Variants in GALNT18 observed in about 807,000 individuals in gnomAD.
GALNT18 encodes polypeptide N-acetylgalactosaminyltransferase 18.
A neutral mutation model predicts 69.5 loss-of-function variants in GALNT18; 44 were observed. The observed-to-expected ratio is 0.63, with a 90% CI of 0.50 to 0.81. GALNT18 has a LOEUF of 0.81. GALNT18 is among the 40% of genes least tolerant of loss of function. GALNT18 has a pLI of 0.00. For missense variants in GALNT18, 715 were observed against 810.0 expected (o/e 0.88, Z 1.42); for synonymous variants, 364 against 318.2 (o/e 1.14, Z -1.53).
At chr11:11,531,601 T>C (rs528936385) in intron 1 of GALNT18, among the ~76,000 whole-genome samples, 1 of 152,218 alleles carries the variant, frequency 6.6e-6, no homozygotes, top group East Asian at 1.9e-4. Flanking sequence ...GTGGTCAGGG[T>C]ATTTCTTCCC....
intron 1 of GALNT18, among the ~76,000 whole-genome samples, chr11:11,471,999 C>T (rs981521442): frequency 6.6e-6 from 1 of 152,190 alleles, no homozygotes; most frequent in African/African-American, 2.4e-5. Flanking sequence ...CAAGACCAGG[C>T]TCAGCAGAAA....
At chr11:11,458,904 T>TA (rs1347816931) in intron 1 of GALNT18, among the ~76,000 whole-genome samples, 1 of 152,196 alleles carries the variant, frequency 6.6e-6, no homozygotes, top group Non-Finnish European at 1.5e-5. Flanking sequence ...AGCCTTGGCC[T>TA]AACCTCATCT....
At position 11,415,381 on chromosome 11, in the gene GALNT18, T is replaced by C. The variant is rs1854832421; in HGVS notation, c.595+17240A>G. 6.6e-6 allele frequency among the ~76,000 whole-genome samples: 1 copy of C among 152,150 alleles called. No homozygotes were observed. Among genetic ancestry groups the C allele is most frequent in the African/African-American group, 2.4e-5 (1 of 41,422 alleles). On this transcript the variant is annotated intron_variant, in intron 3 of 10. Transcript: ENST00000227756. This position sits in a 1 kb window ranked among gnomAD's most constrained non-coding sequence, Gnocchi z 4.1. The stretch of plus-strand genomic sequence containing the variant: ...AGAATTCTGCCCACACAGTGATCAA[T>C]AAATAGTTGCCGAATGAGAAAATAA...
chr11:11,380,315 T>G (rs1285623251), intron 3 of GALNT18, among the ~76,000 whole-genome samples: 1 of 152,248 alleles, frequency 6.6e-6, no homozygotes, highest in Non-Finnish European at 1.5e-5. Context: ...TCTTAAGTCC[T>G]TGCTAAGGAC....
chr11:11,467,112 G>A (rs918392643), intron 1 of GALNT18, among the ~76,000 whole-genome samples: 7 of 152,210 alleles, frequency 4.6e-5, no homozygotes, highest in African/African-American at 1.7e-4. Context: ...GGAGGCAGGA[G>A]GCCCTTAATG....
rs182247361 is a variant in GALNT18, at chr11:11,359,142, A to G, written c.1092+13373T>C. ...GTGTGGGCAAAGACGAGGTTGCTTTACCCAAAACTGTGGTGTCCAATGTTT... is the reference window on the plus strand; with the variant it reads ...GTGTGGGCAAAGACGAGGTTGCTTTGCCCAAAACTGTGGTGTCCAATGTTT... On this transcript the variant is annotated intron_variant, in intron 6 of 10. Coordinates refer to ENST00000227756, the MANE Select transcript of GALNT18 (RefSeq NM_198516.3). 2.4e-4 allele frequency among the ~76,000 whole-genome samples: 34 copies of G among 140,130 alleles called. 7 individuals carry two copies. Among genetic ancestry groups the G allele is most frequent in the African/African-American group, 8.2e-4 (31 of 37,856 alleles). 91.9% of individuals were successfully genotyped at this position (140,130 alleles called of 152,430 possible).
At chr11:11,407,032 G>T (rs1160160655) in intron 3 of GALNT18, among the ~76,000 whole-genome samples, 1 of 152,206 alleles carries the variant, frequency 6.6e-6, no homozygotes, top group East Asian at 1.9e-4. Flanking sequence ...AGCCTAAGTG[G>T]AGAAAGAACC....
At chr11:11,456,838 C>G (rs886311741) in intron 1 of GALNT18, among the ~76,000 whole-genome samples, 8 of 152,142 alleles carry the variant, frequency 5.3e-5, no homozygotes, top group African/African-American at 1.9e-4. Flanking sequence ...CTGGGAAATG[C>G]CATAATGTGG....
At chr11:11,324,884 G>C (rs1849892171) in intron 9 of GALNT18, among the ~76,000 whole-genome samples, 1 of 151,994 alleles carries the variant, frequency 6.6e-6, no homozygotes, top group African/African-American at 2.4e-5. Context: ...TTTGCTGTGT[G>C]GAACACTTTT....
At chr11:11,475,033 G>A (rs1856358094) in intron 1 of GALNT18, 1 of 152,160 alleles carries the variant, frequency 6.6e-6, no homozygotes, top group Non-Finnish European at 1.5e-5. Context: ...CTAGCACAGG[G>A]TAGGCATCTT....
intron 1 of GALNT18, among the ~76,000 whole-genome samples, chr11:11,547,203 C>T (rs1411862395): frequency 6.6e-6 from 1 of 152,156 alleles, no homozygotes; most frequent in Non-Finnish European, 1.5e-5. Flanking sequence ...CATGTGCATT[C>T]CTTTGCCTTC....
intron 1 of GALNT18, among the ~76,000 whole-genome samples, chr11:11,553,016 CAGTAGTTTTCA>C (rs779964382): frequency 5.9e-5 from 9 of 152,110 alleles, no homozygotes; most frequent in Admixed American, 2.6e-4. Flanking sequence ...TAATCTAGAT[CAGTAGTTTTCA>C]AGTAGTTTTC....
chr11:11,481,175 C>T (rs1483792073), intron 1 of GALNT18, among the ~76,000 whole-genome samples: 2 of 152,182 alleles, frequency 1.3e-5, no homozygotes, highest in African/African-American at 4.8e-5. Flanking sequence ...GCAGCTGAGC[C>T]ACCCAAACAG....
At chr11:11,271,420 C>A in intron 10 of GALNT18, 130 bp from the exon 11 acceptor site, 1 of 882,012 alleles carries the variant, frequency 1.1e-6, no homozygotes, top group South Asian at 1.6e-5. Flanking sequence ...GTCAGCATTC[C>A]CATGAAACTG....
At chr11:11,354,317 G>C (rs1850481761) in intron 6 of GALNT18, among the ~76,000 whole-genome samples, 1 of 152,146 alleles carries the variant, frequency 6.6e-6, no homozygotes, top group South Asian at 2.1e-4. Flanking sequence ...TAAGGTTCAG[G>C]GTCACAGGAT....
chr11:11,558,152 T>G (rs533985746), intron 1 of GALNT18, among the ~76,000 whole-genome samples: 1 of 152,310 alleles, frequency 6.6e-6, no homozygotes, highest in East Asian at 1.9e-4. Context: ...CGCCCCTGGA[T>G]TCTCAGATCC....
chr11:11,281,950 C>T (rs1849084885), intron 10 of GALNT18, among the ~76,000 whole-genome samples: 1 of 151,992 alleles, frequency 6.6e-6, no homozygotes, highest in Non-Finnish European at 1.5e-5. Flanking sequence ...GTAGTAAGGC[C>T]ATGGTGGGGC....
Position 11,436,012 on chromosome 11 carries a change from G to A in GALNT18, c.429-3225C>T, listed in dbSNP as rs948834537. 1.3e-5 allele frequency among the ~76,000 whole-genome samples: 2 copies of A among 152,324 alleles called. No individual in the cohort carries two copies. The highest frequency in any genetic ancestry group is 1.9e-4 in the East Asian group (1 of 5,180). ...ATGCTGCCGCTGTGGCCTCTCTCTCGGCATCAGGAGACACCTTTCCTCAGC... is the reference window on the plus strand; with the variant it reads ...ATGCTGCCGCTGTGGCCTCTCTCTCAGCATCAGGAGACACCTTTCCTCAGC... On this transcript the variant is annotated intron_variant, in intron 2 of 10. Coordinates refer to ENST00000227756, the MANE Select transcript of GALNT18 (RefSeq NM_198516.3). This position sits in a 1 kb window ranked among gnomAD's most constrained non-coding sequence, Gnocchi z 4.5.
At position 11,613,280 on chromosome 11, in the gene GALNT18, A is replaced by G. The variant is rs1565042165; in HGVS notation, c.235+8079T>C. On this transcript the variant is annotated intron_variant, in intron 1 of 10. Transcript: ENST00000227756. The surrounding 1 kb of genome is among the most constrained non-coding windows in gnomAD (Gnocchi z 4.2). ...CTATAAAAGGTATACAGATCCACAG[A>G]GAAGATTCCAGAACAGCAGTCATTC... 6.6e-6 allele frequency among the ~76,000 whole-genome samples: 1 copy of G among 152,256 alleles called. No homozygotes were observed. The highest frequency in any genetic ancestry group is 1.9e-4 in the East Asian group (1 of 5,204).
Sources: gnomAD v4.1 joint callset for allele counts (sites outside exome capture counted in the v4.1 genomes callset) on GRCh38, gnomAD v4.1.1 for gene constraint, Gnocchi (gnomAD v3.1) non-coding constraint, MANE v1.5 for transcripts, NCBI Gene and HGNC (gene_info 2026-07-23, HGNC 2026-07-21) for gene names.